The following IFIT2 variants were observed in gnomAD, a reference collection of about 807,000 sequenced individuals.
IFIT2 encodes interferon induced protein with tetratricopeptide repeats 2, also known as interferon-induced protein with tetratricopeptide repeats 2.
IFIT2 carries 3 observed loss-of-function variants against 2.5 expected under a neutral mutation model. The observed-to-expected ratio is 1.21, with a 90% CI of 0.55 to 3.14. The LOEUF (loss-of-function observed/expected upper bound fraction) is 3.14, where lower values mean the gene tolerates loss of function less well. IFIT2 is among the 30% of genes most tolerant of loss of function. The pLI is 0.03. For missense variants in IFIT2, 493 were observed against 558.9 expected, an observed-to-expected ratio of 0.88 and a Z score of 1.19; for synonymous variants, 212 against 200.7, an observed-to-expected ratio of 1.06 and a Z score of -0.48.
rs942744306 is a variant in IFIT2, at chr10:89,307,477, T to C, written c.*102T>C. On this transcript the variant is annotated 3_prime_UTR_variant, in exon 2 of 2. Coordinates refer to ENST00000371826, the MANE Select transcript of IFIT2 (RefSeq NM_001547.5). The stretch of plus-strand genomic sequence containing the variant: ...ATGTAATGACTGGTATGGCAAAAGA[T>C]TGGACTAAGACACTGGCCATACCAC... The C allele has an allele frequency of 1.5e-4, 139 of 947,700 alleles. 1 individual carries two copies. In the African/African-American group the frequency reaches 1.6e-3, roughly 11 times the overall value. 58.7% of individuals were successfully genotyped at this position (947,700 alleles called of 1,614,324 possible). A position where few individuals can be genotyped will look rare whatever the true frequency, so the allele number is the denominator to read the frequency against.
At position 89,302,079 on chromosome 10, in the gene IFIT2, G is replaced by T. The variant is rs781311834; in HGVS notation, c.-45G>T. 1.9e-6 allele frequency: 3 copies of T among 1,613,306 alleles called. No individual in the cohort carries two copies. The highest frequency in any genetic ancestry group is 3.3e-5 in the Admixed American group (2 of 60,014). Reference sequence around the variant, plus strand: ...AGGAAGATTTCTGAAGAGTGCAGCTGCCTGAACCGAGCCCTGCCGAACAGC... The same window carrying T: ...AGGAAGATTTCTGAAGAGTGCAGCTTCCTGAACCGAGCCCTGCCGAACAGC... On this transcript the variant is annotated 5_prime_UTR_variant, in exon 1 of 2. Coordinates refer to ENST00000371826, the MANE Select transcript of IFIT2 (RefSeq NM_001547.5).
In IFIT2 at chr10:89,307,761, A is replaced by G. The variant is rs929134537; in HGVS notation, c.*386A>G. 3.3e-5 allele frequency: 6 copies of G among 179,502 alleles called. No individual in the cohort carries two copies. The highest frequency in any genetic ancestry group is 1.4e-4 in the African/African-American group (6 of 42,458). The allele number at this position is 179,502 out of a possible 1,614,324, so 11.1% of individuals were successfully genotyped here. On this transcript the variant is annotated 3_prime_UTR_variant, in exon 2 of 2. Coordinates refer to ENST00000371826, the MANE Select transcript of IFIT2 (RefSeq NM_001547.5). ...AAGTCCATTTTTGCAATGTTGTTCC[A>G]TACTTGGAGTCATTTTGCATCCCAT...
intron 1 of IFIT2, among the ~76,000 whole-genome samples, chr10:89,302,871 C>T (rs974872727): frequency 1.3e-5 from 2 of 152,142 alleles, no homozygotes; most frequent in Non-Finnish European, 2.9e-5. Context: ...AACCCTCATC[C>T]TGGGAGCTCT....
rs768631944 is a variant in IFIT2, at chr10:89,306,062, G to A, written c.106G>A (p.Asp36Asn). ...EGENSLDDFE[D>N]KVFYRTEFQN... is the part of the protein sequence containing the mutation. ...AGAAAACTCCTTGGATGATTTTGAA[G>A]ACAAAGTATTTTACCGGACTGAGTT... Residue 36 changes from aspartate to asparagine, a missense_variant, in exon 2 of 2, where the codon GAC becomes AAC. Asp to Asn is a conservative substitution (Grantham distance 23). Coordinates refer to ENST00000371826, the MANE Select transcript of IFIT2 (RefSeq NM_001547.5). 3 of 1,614,138 alleles carry A rather than the reference G, an allele frequency of 1.9e-6. No individual in the cohort carries two copies. In the East Asian group the frequency reaches 6.7e-5, roughly 36 times the overall value.
intron 1 of IFIT2, among the ~76,000 whole-genome samples, chr10:89,303,720 T>A (rs1048243130): frequency 1.3e-5 from 2 of 152,228 alleles, no homozygotes; most frequent in African/African-American, 4.8e-5. Flanking sequence ...TTCTATTTAC[T>A]CTCTCTGTTT....
chr10:89,306,673 C>T lies in IFIT2; in HGVS notation c.717C>T (p.Ala239=). ...AAGGAGAGAAGTTAGTTGAAGAAGCCTTGGAGAAAGCCCCAGGTGTAACAG... is the reference window on the plus strand; with the variant it reads ...AAGGAGAGAAGTTAGTTGAAGAAGCTTTGGAGAAAGCCCCAGGTGTAACAG... ...EGEGEKLVEE[A]LEKAPGVTDV... Residue 239 remains alanine (A), a synonymous_variant, in exon 2 of 2, where the codon GCC becomes GCT. Transcript: ENST00000371826. 4.3e-6 allele frequency: 7 copies of T among 1,614,080 alleles called. No homozygotes were observed. The highest frequency in any genetic ancestry group is 5.9e-6 in the Non-Finnish European group (7 of 1,179,972).
Position 89,305,992 on chromosome 10 carries a change from C to T in IFIT2, c.36C>T (p.Ser12=). 1.2e-6 allele frequency: 2 copies of T among 1,613,548 alleles called. No homozygotes were observed. Among genetic ancestry groups the T allele is most frequent in the African/African-American group, 2.7e-5 (2 of 75,014 alleles). Residue 12 remains serine (S), a synonymous_variant, in exon 2 of 2, where the codon AGC becomes AGT. Transcript: ENST00000371826. ...SENNKNSLES[S]LRQLKCHFTW... is the part of the protein sequence containing the mutation. ...ACAATAAGAATTCCTTGGAGAGCAG[C>T]CTACGGCAACTAAAATGCCATTTCA...
At chr10:89,303,539 C>T (rs369193529) in intron 1 of IFIT2, among the ~76,000 whole-genome samples, 27 of 152,202 alleles carry the variant, frequency 1.8e-4, no homozygotes, top group African/African-American at 4.8e-4. Context: ...AAGTGTCTGG[C>T]ATCAGCTTCT....
chr10:89,306,062 G>C lies in IFIT2; in HGVS notation c.106G>C (p.Asp36His). Residue 36 changes from aspartate to histidine, a missense_variant, in exon 2 of 2, where the codon GAC (aspartate) becomes CAC (histidine). Asp to His is a moderately conservative substitution (Grantham distance 81). Transcript: ENST00000371826. ...AGAAAACTCCTTGGATGATTTTGAA[G>C]ACAAAGTATTTTACCGGACTGAGTT... Reference protein sequence around the residue: ...EGENSLDDFEDKVFYRTEFQN... With the variant: ...EGENSLDDFEHKVFYRTEFQN... The C allele has an allele frequency of 3.7e-6, 6 of 1,614,138 alleles. No individual in the cohort carries two copies. The highest frequency in any genetic ancestry group is 5.1e-6 in the Non-Finnish European group (6 of 1,180,002).
intron 1 of IFIT2, among the ~76,000 whole-genome samples, chr10:89,304,019 G>A (rs1843462399): frequency 6.6e-6 from 1 of 152,154 alleles, no homozygotes; most frequent in South Asian, 2.1e-4. Context: ...TCCTCCTGGG[G>A]TCACTACAGT....
At chr10:89,305,579 G>A (rs1843472819) in intron 1 of IFIT2, among the ~76,000 whole-genome samples, 1 of 152,084 alleles carries the variant, frequency 6.6e-6, no homozygotes, top group Admixed American at 6.5e-5. Context: ...AGCTAGGGAA[G>A]AATGAAGAAC....
At position 89,306,335 on chromosome 10, in the gene IFIT2, T is replaced by C; in HGVS notation, c.379T>C (p.Phe127Leu). ...VDKVKHVCEK[F>L]SSPYRIESPE... ...CAAGGTGAAACATGTCTGTGAGAAG[T>C]TTTCCAGTCCCTATAGAATTGAGAG... Residue 127 changes from phenylalanine to leucine, a missense_variant, in exon 2 of 2, where the codon TTT becomes CTT. Transcript: ENST00000371826. 6.2e-7 allele frequency: 1 copy of C among 1,614,052 alleles called. No homozygotes were observed. Among genetic ancestry groups the C allele is most frequent in the Non-Finnish European group, 8.5e-7 (1 of 1,179,986 alleles).
At chr10:89,303,823 A>T (rs1288687040) in intron 1 of IFIT2, among the ~76,000 whole-genome samples, 1 of 152,208 alleles carries the variant, frequency 6.6e-6, no homozygotes, top group Non-Finnish European at 1.5e-5. Context: ...ATTGAGAGGG[A>T]GCAAGGAAGC....
In IFIT2 at chr10:89,306,427, G is replaced by A. The variant is rs201914012; in HGVS notation, c.471G>A (p.Ala157=). The part of the protein sequence containing the change: ...LKCGGNQNER[A]KVCFEKALEK... Reference sequence around the variant, plus strand: ...GTGGAGGAAACCAAAATGAAAGAGCGAAGGTGTGCTTTGAGAAGGCTCTGG... The same window carrying A: ...GTGGAGGAAACCAAAATGAAAGAGCAAAGGTGTGCTTTGAGAAGGCTCTGG... Residue 157 remains alanine, a synonymous_variant, in exon 2 of 2, where the codon GCG becomes GCA. Transcript: ENST00000371826. 22 of 1,614,156 alleles carry A rather than the reference G, an allele frequency of 1.4e-5. No homozygotes were observed. The highest frequency in any genetic ancestry group is 6.7e-5 in the East Asian group (3 of 44,884).
chr10:89,306,193 G>A lies in IFIT2; in HGVS notation c.237G>A (p.Glu79=). 1 of 1,614,160 alleles carries A rather than the reference G, an allele frequency of 6.2e-7. No homozygotes were observed. The highest frequency in any genetic ancestry group is 8.5e-7 in the Non-Finnish European group (1 of 1,180,004). Residue 79 remains glutamate, a synonymous_variant, in exon 2 of 2, where the codon GAG becomes GAA. Transcript: ENST00000371826. ...TGGAATGCTTACGTAAAGCTGAAGA[G>A]TTAATCCAGCAAGAGCATGCTGACC... ...AALECLRKAE[E]LIQQEHADQA... is the part of the protein sequence containing the mutation.
chr10:89,303,393 T>C (rs1408440319), intron 1 of IFIT2, among the ~76,000 whole-genome samples: 1 of 152,244 alleles, frequency 6.6e-6, no homozygotes, highest in African/African-American at 2.4e-5. Flanking sequence ...GCATTAGTTC[T>C]GAGCCTGGTT....
chr10:89,305,107 GA>G (rs200621083), intron 1 of IFIT2, among the ~76,000 whole-genome samples: 1,728 of 150,836 alleles, frequency 0.011, 13 homozygotes, highest in Middle Eastern at 0.038. Context: ...GGGAGGGGAG[GA>G]AAAAAAATTA....
rs1308838604 is a variant in IFIT2 at position 89,306,786 on chromosome 10, T to C, written c.830T>C (p.Ile277Thr). The change falls in exon 2 of 2, where the codon ATA becomes ACA. Residue 277 changes from isoleucine (I) to threonine (T), a missense_variant. Ile to Thr is a moderately conservative substitution (Grantham distance 89, BLOSUM62 -1). Coordinates refer to ENST00000371826, the MANE Select transcript of IFIT2 (RefSeq NM_001547.5). ...CTGCTTAAAAAGGCTTTAGAATACA[T>C]ACCAAACAATGCCTACCTGCATTGC... ...IELLKKALEY[I>T]PNNAYLHCQI... is the part of the protein sequence containing the mutation. 6.2e-7 allele frequency: 1 copy of C among 1,613,992 alleles called. No individual in the cohort carries two copies. The highest frequency in any genetic ancestry group is 8.5e-7 in the Non-Finnish European group (1 of 1,179,974).
rs1332748486 is a variant in IFIT2 at position 89,309,154 on chromosome 10, T to C, written c.*1779T>C. 2.0e-5 allele frequency: 3 copies of C among 152,242 alleles called. No individual in the cohort carries two copies. The highest frequency in any genetic ancestry group is 1.3e-4 in the Admixed American group (2 of 15,280). The allele number at this position is 152,242 out of a possible 1,614,324, so 9.4% of individuals were successfully genotyped here. On this transcript the variant is annotated 3_prime_UTR_variant, in exon 2 of 2. Transcript: ENST00000371826. Reference sequence around the variant, plus strand: ...CCATTGACCTACGTGAACACAGACATTCTGTCTCCACCTTGATGGTGGGTG... The same window carrying C: ...CCATTGACCTACGTGAACACAGACACTCTGTCTCCACCTTGATGGTGGGTG...
Sources: gnomAD v4.1 joint callset for allele counts (sites outside exome capture counted in the v4.1 genomes callset) on GRCh38, gnomAD v4.1.1 for gene constraint, MANE v1.5 for transcripts, NCBI Gene and HGNC (gene_info 2026-07-23, HGNC 2026-07-21) for gene names.